ASTN1: variants seen among roughly 807,000 people sequenced by gnomAD.
The protein encoded by ASTN1 is astrotactin 1.
In ASTN1, 41 loss-of-function variants were observed where a neutral mutation model predicts 140.7. The ratio of observed to expected loss-of-function variants is 0.29; its 90% CI spans 0.23 to 0.38. The LOEUF (loss-of-function observed/expected upper bound fraction) is 0.38. Ranked by LOEUF, ASTN1 falls within the 10% of genes least tolerant of loss-of-function variation. The probability of loss-of-function intolerance (pLI) is 1.00; values close to 1 mark genes in which losing one functional copy is unlikely to be tolerated. For missense variants in ASTN1, 1,479 were observed against 1,678.8 expected (o/e 0.88, Z 2.08); for synonymous variants, 640 against 652.2 (o/e 0.98, Z 0.29).
At chr1:177,009,018 T>TGGG (rs1675151863) in intron 8 of ASTN1, among the ~76,000 whole-genome samples, 2 of 152,170 alleles carry the variant, frequency 1.3e-5, no homozygotes, top group Non-Finnish European at 2.9e-5. Context: ...AAATTTCCTA[T>TGGG]GTCACAGCAG....
chr1:177,039,525 G>C (rs1037389242), intron 2 of ASTN1, among the ~76,000 whole-genome samples: 1 of 152,184 alleles, frequency 6.6e-6, no homozygotes. Flanking sequence ...GATAAGGAAT[G>C]GATAAAGCAG....
intron 16 of ASTN1, among the ~76,000 whole-genome samples, chr1:176,931,884 A>G (rs2103088264): frequency 6.6e-6 from 1 of 152,352 alleles, no homozygotes; most frequent in African/African-American, 2.4e-5. Flanking sequence ...ATGACTTTGT[A>G]GAGAGAAGGG....
At chr1:177,038,117 CTG>C (rs1676812349) in intron 2 of ASTN1, among the ~76,000 whole-genome samples, 1 of 152,210 alleles carries the variant, frequency 6.6e-6, no homozygotes, top group Non-Finnish European at 1.5e-5. Flanking sequence ...AACCACAAGA[CTG>C]TCTCATTATC....
In ASTN1 at chr1:176,876,645, G is replaced by C. The variant is rs765223638; in HGVS notation, c.3363-8C>G. 6.2e-7 allele frequency: 1 copy of C among 1,613,716 alleles called. No homozygotes were observed. The highest frequency in any genetic ancestry group is 8.5e-7 in the Non-Finnish European group (1 of 1,179,736). On this transcript the variant is annotated splice_polypyrimidine_tract_variant and splice_region_variant and intron_variant, in intron 20 of 22. Coordinates refer to ENST00000361833, the MANE Select transcript of ASTN1 (RefSeq NM_004319.3). ...ACTCCCCACAGCGTGAACCTGGCAG[G>C]GAGTGGGAGGGCATGGTTAGCAGAA...
chr1:177,069,695 C>T (rs539536400), intron 1 of ASTN1, among the ~76,000 whole-genome samples: 1 of 152,188 alleles, frequency 6.6e-6, no homozygotes, highest in Non-Finnish European at 1.5e-5. Context: ...AAAATGCAGC[C>T]AAAAGGTTCT....
chr1:176,985,249 C>T (rs1187619459), intron 8 of ASTN1, among the ~76,000 whole-genome samples: 2 of 152,030 alleles, frequency 1.3e-5, no homozygotes, highest in Non-Finnish European at 2.9e-5. Context: ...TGAGGAAGAC[C>T]CAGAGTTTCT....
chr1:177,010,812 A>T (rs1675252820), intron 8 of ASTN1, among the ~76,000 whole-genome samples: 1 of 152,202 alleles, frequency 6.6e-6, no homozygotes. Context: ...TTTTATCTAC[A>T]AGACAATTTT....
At chr1:176,951,249 GC>G (rs902886308) in intron 11 of ASTN1, among the ~76,000 whole-genome samples, 5 of 152,196 alleles carry the variant, frequency 3.3e-5, no homozygotes, top group Non-Finnish European at 7.3e-5. Flanking sequence ...GCTGAGGATT[GC>G]CCCCCATGTT....
chr1:176,992,624 T>C (rs1674242909), intron 8 of ASTN1, among the ~76,000 whole-genome samples: 2 of 152,318 alleles, frequency 1.3e-5, no homozygotes, highest in East Asian at 1.9e-4. Context: ...CCAAAACGAC[T>C]TGGCATCTCT....
intron 1 of ASTN1, among the ~76,000 whole-genome samples, chr1:177,108,812 C>T (rs1296277166): frequency 1.3e-5 from 2 of 152,150 alleles, no homozygotes; most frequent in Admixed American, 6.5e-5. Context: ...CAAATATACA[C>T]ATATAAGGCT....
intron 16 of ASTN1, among the ~76,000 whole-genome samples, chr1:176,916,318 G>T (rs1404712891): frequency 6.6e-6 from 1 of 152,098 alleles, no homozygotes; most frequent in African/African-American, 2.4e-5. Context: ...CAGAGTTGGG[G>T]GTAGACACCC....
At chr1:176,884,204 C>A in intron 19 of ASTN1, 135 bp downstream of exon 19, 3 of 1,007,024 alleles carry the variant, frequency 3.0e-6, no homozygotes, top group Non-Finnish European at 4.2e-6. Context: ...AGAACAGCTT[C>A]TTCTTCTCCC....
At position 177,024,745 on chromosome 1, in the gene ASTN1, C is replaced by T. The variant is rs1379784748; in HGVS notation, c.1121-13G>A. On this transcript the variant is annotated splice_polypyrimidine_tract_variant and intron_variant, in intron 5 of 22. Transcript: ENST00000361833. ...CGGGGAGAACCCACTGAAAGTGAGA[C>T]AAAAGCAAGATACATGGTGGTAAAA... 3.7e-6 allele frequency: 6 copies of T among 1,610,862 alleles called. No homozygotes were observed. In the South Asian group the frequency reaches 4.4e-5, roughly 12 times the overall value.
chr1:177,078,319 A>T (rs1213833406), intron 1 of ASTN1, among the ~76,000 whole-genome samples: 2 of 152,114 alleles, frequency 1.3e-5, no homozygotes, highest in Non-Finnish European at 2.9e-5. Context: ...CCTCTCACTG[A>T]CCTGTCCTCA....
At chr1:176,924,583 T>C (rs1243336247) in intron 16 of ASTN1, among the ~76,000 whole-genome samples, 3 of 152,186 alleles carry the variant, frequency 2.0e-5, no homozygotes, top group Non-Finnish European at 4.4e-5. Context: ...CAGGAAAATT[T>C]TTTGCATCAT....
intron 1 of ASTN1, among the ~76,000 whole-genome samples, chr1:177,160,052 C>T (rs564632599): frequency 1.8e-4 from 27 of 152,338 alleles, no homozygotes; most frequent in African/African-American, 5.8e-4. Flanking sequence ...TATATACAAA[C>T]TAGGTGAGTG....
At chr1:177,040,399 G>C (rs1434925379) in intron 2 of ASTN1, among the ~76,000 whole-genome samples, 1 of 152,212 alleles carries the variant, frequency 6.6e-6, no homozygotes, top group Non-Finnish European at 1.5e-5. Flanking sequence ...CACTGGGGCA[G>C]TTACTACTGC....
intron 17 of ASTN1, among the ~76,000 whole-genome samples, chr1:176,893,913 C>T (rs1312422523): frequency 6.6e-6 from 1 of 152,150 alleles, no homozygotes; most frequent in Admixed American, 6.5e-5. Flanking sequence ...CTTTTTGGTT[C>T]CATCCATTTT....
chr1:177,073,628 C>T (rs1000302228), intron 1 of ASTN1, among the ~76,000 whole-genome samples: 2 of 148,822 alleles, frequency 1.3e-5, no homozygotes, highest in African/African-American at 2.5e-5. Flanking sequence ...CACCTACTTC[C>T]TACTGATTAT....
Sources: gnomAD v4.1 joint callset for allele counts (sites outside exome capture counted in the v4.1 genomes callset) on GRCh38, gnomAD v4.1.1 for gene constraint, MANE v1.5 for transcripts, NCBI Gene and HGNC (gene_info 2026-07-23, HGNC 2026-07-21) for gene names.